Variants in USP53 observed in about 807,000 individuals in gnomAD.
USP53 encodes ubiquitin specific peptidase 53.
A neutral mutation model predicts 94.9 loss-of-function variants in USP53; 71 were observed. That is an observed-to-expected ratio of 0.75 (90% CI 0.62 to 0.91). USP53 has a LOEUF of 0.91. Ranked by LOEUF, USP53 falls within the 40% of genes least tolerant of loss-of-function variation. The pLI, the probability that USP53 is intolerant of heterozygous loss-of-function variation, is 0.00. For synonymous variants in USP53, 375 were observed against 422.7 expected, an observed-to-expected ratio of 0.89 and a Z score of 1.39; for missense variants, 1,173 against 1,281.0, an observed-to-expected ratio of 0.92 and a Z score of 1.29.
intron 7 of USP53, among the ~76,000 whole-genome samples, chr4:119,254,759 ACCTT>A (rs1749526959): frequency 6.6e-6 from 1 of 152,054 alleles, no homozygotes. Flanking sequence ...CAGTTTTGTT[ACCTT>A]GCAGGTGAGG....
intron 3 of USP53, among the ~76,000 whole-genome samples, chr4:119,225,453 AACTCTAATAACAGCC>A (rs1475398131): frequency 3.3e-5 from 5 of 152,188 alleles, no homozygotes; most frequent in Non-Finnish European, 5.9e-5. Context: ...AGATGATTAT[AACTCTAATAACAGCC>A]AGGCGTGGTG....
At chr4:119,231,326 C>T (rs956082617) in intron 3 of USP53, among the ~76,000 whole-genome samples, 6 of 152,040 alleles carry the variant, frequency 3.9e-5, no homozygotes, top group African/African-American at 1.2e-4. Context: ...TAAAAATGTA[C>T]TTTTATTTCT....
At chr4:119,277,661 C>A (rs1752832124) in intron 17 of USP53, among the ~76,000 whole-genome samples, 1 of 146,604 alleles carries the variant, frequency 6.8e-6, no homozygotes, top group South Asian at 2.2e-4. Context: ...TCCTGGTTGA[C>A]TTTCTGTCTC....
intron 3 of USP53, among the ~76,000 whole-genome samples, chr4:119,221,987 C>G (rs1744592995): frequency 6.6e-6 from 1 of 152,140 alleles, no homozygotes; most frequent in Admixed American, 6.5e-5. Context: ...GAAGCAAACA[C>G]TTTCAAGTCT....
At chr4:119,256,813 A>G (rs1749829953) in intron 9 of USP53, among the ~76,000 whole-genome samples, 1 of 152,212 alleles carries the variant, frequency 6.6e-6, no homozygotes, top group Non-Finnish European at 1.5e-5. Flanking sequence ...TGATAAACTG[A>G]ATGTTAAATG....
intron 12 of USP53, among the ~76,000 whole-genome samples, chr4:119,262,296 T>C (rs1187719494): frequency 1.3e-5 from 2 of 152,186 alleles, no homozygotes; most frequent in Admixed American, 6.5e-5. Context: ...AATACAGAAA[T>C]AGATATATCA....
chr4:119,229,294 A>T (rs190990985), intron 3 of USP53, among the ~76,000 whole-genome samples: 1 of 152,262 alleles, frequency 6.6e-6, no homozygotes, highest in Admixed American at 6.5e-5. Context: ...TCAGGCTGCC[A>T]CTTTTCTCAC....
chr4:119,250,756 G>T (rs1748865315), intron 7 of USP53, among the ~76,000 whole-genome samples: 1 of 152,126 alleles, frequency 6.6e-6, no homozygotes, highest in African/African-American at 2.4e-5. Flanking sequence ...TTATGTTAAA[G>T]AAATAAATGC....
intron 1 of USP53, chr4:119,213,282 A>G (rs1296474569): frequency 1.3e-5 from 2 of 152,268 alleles, no homozygotes; most frequent in Non-Finnish European, 1.5e-5. Flanking sequence ...TCGCCTGAGC[A>G]CACAGTTTTT....
In USP53 at chr4:119,294,412, T is replaced by C. The variant is rs187919912; in HGVS notation, c.*1201T>C. The C allele has an allele frequency of 1.3e-5, 2 of 152,178 alleles. No homozygotes were observed. The highest frequency in any genetic ancestry group is 3.9e-4 in the East Asian group (2 of 5,192). The allele number at this position is 152,178 out of a possible 1,614,324, so 9.4% of individuals were successfully genotyped here. A position where few individuals can be genotyped will look rare whatever the true frequency, so the allele number is the denominator to read the frequency against. On this transcript the variant is annotated 3_prime_UTR_variant, in exon 19 of 19. Coordinates refer to ENST00000692078, the MANE Select transcript of USP53 (RefSeq NM_001371395.1). ...CTTTTCATGAAGAGTGCTTTGAAAA[T>C]TAAAGGAATTTTTATTATTATGGTA... is the stretch of plus-strand genomic sequence containing the variant.
intron 6 of USP53, 73 bp downstream of exon 6, chr4:119,245,502 A>G: frequency 7.6e-7 from 1 of 1,315,406 alleles, no homozygotes; most frequent in Non-Finnish European, 1.1e-6. Context: ...ATATTGGGTC[A>G]GTTTGTTGTA....
At chr4:119,226,545 A>T (rs913983814) in intron 3 of USP53, among the ~76,000 whole-genome samples, 1 of 152,208 alleles carries the variant, frequency 6.6e-6, no homozygotes, top group African/African-American at 2.4e-5. Context: ...TTAGAGATAA[A>T]TTTAAAAATA....
intron 7 of USP53, among the ~76,000 whole-genome samples, chr4:119,250,031 A>G (rs1013631073): frequency 9.2e-5 from 14 of 152,006 alleles, no homozygotes; most frequent in African/African-American, 3.4e-4. Flanking sequence ...TTACTCTTCA[A>G]ATATTTCTGT....
intron 5 of USP53, among the ~76,000 whole-genome samples, chr4:119,241,302 T>C (rs1747499216): frequency 6.6e-6 from 1 of 152,208 alleles, no homozygotes; most frequent in Non-Finnish European, 1.5e-5. Flanking sequence ...CTTATACATA[T>C]CTGCATATTT....
chr4:119,280,966 G>A (rs1753445531), intron 17 of USP53, among the ~76,000 whole-genome samples: 2 of 152,186 alleles, frequency 1.3e-5, no homozygotes, highest in Non-Finnish European at 2.9e-5. Context: ...AGGTAGAAAA[G>A]TGCAATTTTA....
intron 3 of USP53, among the ~76,000 whole-genome samples, chr4:119,228,728 G>T (rs1445734196): frequency 6.6e-5 from 10 of 152,124 alleles, no homozygotes. Context: ...ACACTAATGG[G>T]ATGAATTTTA....
At chr4:119,243,693 C>G (rs1334475091) in intron 5 of USP53, among the ~76,000 whole-genome samples, 1 of 152,032 alleles carries the variant, frequency 6.6e-6, no homozygotes, top group Non-Finnish European at 1.5e-5. Flanking sequence ...TTTTCGTAAT[C>G]ATAGAAAACA....
chr4:119,268,217 C>T, intron 13 of USP53, 51 bp from the exon 14 acceptor site: 2 of 1,150,736 alleles, frequency 1.7e-6, no homozygotes, highest in East Asian at 2.7e-5. Flanking sequence ...ATTCAAACAT[C>T]TCTTCTCATG....
chr4:119,271,128 C>T (rs533313760), intron 15 of USP53, 168 bp from the exon 16 acceptor site: 30 of 809,374 alleles, frequency 3.7e-5, no homozygotes, highest in Middle Eastern at 1.3e-3. Flanking sequence ...TAAGCATACA[C>T]AAGGACTGGA....
Sources: gnomAD v4.1 joint callset for allele counts (sites outside exome capture counted in the v4.1 genomes callset) on GRCh38, gnomAD v4.1.1 for gene constraint, MANE v1.5 for transcripts, NCBI Gene and HGNC (gene_info 2026-07-23, HGNC 2026-07-21) for gene names.